CHD7: variants seen among roughly 807,000 people sequenced by gnomAD.
The protein encoded by CHD7 is chromodomain helicase DNA binding protein 7.
In CHD7, 24 loss-of-function variants were observed where a neutral mutation model predicts 307.3. That is an observed-to-expected ratio of 0.08 (90% CI 0.06 to 0.11). The LOEUF is 0.11. CHD7 is among the 10% of genes least tolerant of loss of function. CHD7 has a pLI of 1.00. For missense variants in CHD7, 3,106 were observed against 3,727.1 expected (o/e 0.83, Z 4.34); for synonymous variants, 1,363 against 1,349.9 (o/e 1.01, Z -0.21).
chr8:60,820,888 T>C lies in CHD7; in HGVS notation c.2697+798T>C, dbSNP rs558742662. ...CTTAGTTATACTTCAAAAAATTGTT[T>C]CATAGCATATTTACATTGTACAGGA... is the stretch of plus-strand genomic sequence containing the variant. On this transcript the variant is annotated intron_variant, in intron 9 of 37. Transcript: ENST00000423902. Among the ~76,000 whole-genome samples the C allele has an allele frequency of 2.6e-5, 4 of 152,318 alleles. No homozygotes were observed. In the South Asian group the frequency reaches 8.3e-4, roughly 32 times the overall value.
chr8:60,706,858 T>C (rs1401074683), intron 1 of CHD7, among the ~76,000 whole-genome samples: 1 of 152,148 alleles, frequency 6.6e-6, no homozygotes, highest in African/African-American at 2.4e-5. Context: ...CTAGGATACA[T>C]GTGCACAACA....
chr8:60,859,614 A>G (rs2129685969), intron 34 of CHD7, among the ~76,000 whole-genome samples: 1 of 152,318 alleles, frequency 6.6e-6, no homozygotes, highest in East Asian at 1.9e-4. Flanking sequence ...AAGTTTCCCT[A>G]TGGATGGCTG....
intron 1 of CHD7, among the ~76,000 whole-genome samples, chr8:60,706,983 C>T (rs910908110): frequency 5.3e-5 from 8 of 152,258 alleles, no homozygotes; most frequent in Non-Finnish European, 1.0e-4. Flanking sequence ...CCCCACCCCA[C>T]GACAGGCCCC....
chr8:60,843,978 G>A (rs1334125062), intron 21 of CHD7, among the ~76,000 whole-genome samples: 2 of 152,194 alleles, frequency 1.3e-5, no homozygotes, highest in Admixed American at 6.5e-5. Context: ...GAGGATGTGC[G>A]CTGCTCTCTG....
chr8:60,811,401 G>A (rs568582482), intron 7 of CHD7, among the ~76,000 whole-genome samples: 18 of 151,614 alleles, frequency 1.2e-4, no homozygotes, highest in Non-Finnish European at 2.1e-4. Context: ...TTTCCTCTTC[G>A]TTCTTACAAA....
intron 1 of CHD7, among the ~76,000 whole-genome samples, chr8:60,682,473 C>T (rs1458978591): frequency 6.6e-6 from 1 of 152,124 alleles, no homozygotes; most frequent in Non-Finnish European, 1.5e-5. Context: ...TGCTGTGTAA[C>T]CCATAAAAGC....
intron 1 of CHD7, among the ~76,000 whole-genome samples, chr8:60,726,645 C>T (rs1006840018): frequency 6.6e-6 from 1 of 152,178 alleles, no homozygotes; most frequent in Admixed American, 6.5e-5. Flanking sequence ...ATGTATTTGA[C>T]AAATGAGAAA....
At chr8:60,838,548 C>T (rs574074584) in intron 19 of CHD7, among the ~76,000 whole-genome samples, 42 of 152,296 alleles carry the variant, frequency 2.8e-4, no homozygotes, top group African/African-American at 9.6e-4. Context: ...GATCCTGCTC[C>T]GTTGGCATCT....
chr8:60,744,787 G>A (rs187725270), intron 2 of CHD7, among the ~76,000 whole-genome samples: 4 of 151,592 alleles, frequency 2.6e-5, no homozygotes, highest in African/African-American at 7.3e-5. Context: ...CCTGGGAGGT[G>A]GATGTTGCAG....
intron 1 of CHD7, among the ~76,000 whole-genome samples, chr8:60,740,509 G>A (rs72650476): frequency 6.6e-6 from 1 of 152,190 alleles, no homozygotes; most frequent in Non-Finnish European, 1.5e-5. Context: ...TAGGCTCAGA[G>A]CCATGAGTGA....
intron 1 of CHD7, chr8:60,679,639 G>C (rs1255051913): frequency 1.4e-5 from 2 of 147,252 alleles, no homozygotes; most frequent in Admixed American, 6.8e-5. Flanking sequence ...GCGGCGGCTC[G>C]GGGACGGCGG....
In CHD7 at chr8:60,856,168, G is replaced by A; in HGVS notation, c.7130G>A (p.Ser2377Asn). 6.2e-7 allele frequency: 1 copy of A among 1,603,034 alleles called. No homozygotes were observed. Among genetic ancestry groups the A allele is most frequent in the South Asian group, 1.1e-5 (1 of 88,828 alleles). ...SMVGQASISG[S>N]EDITTSPQLS... ...GTCGGCCAAGCCAGCATTAGTGGGA[G>A]TGAGGACATCACTACGTCTCCTCAG... The change falls in exon 33 of 38, where the codon AGT (serine) becomes AAT (asparagine). Residue 2377 changes from serine (S) to asparagine (N), a missense_variant. Ser to Asn is a conservative substitution (Grantham distance 46). Transcript: ENST00000423902.
intron 1 of CHD7, among the ~76,000 whole-genome samples, chr8:60,737,292 A>C (rs1808759197): frequency 6.6e-6 from 1 of 152,238 alleles, no homozygotes; most frequent in African/African-American, 2.4e-5. Context: ...TGCTGATGGC[A>C]GCAGCAGTTT....
At chr8:60,858,865 C>T (rs1406303844) in intron 34 of CHD7, among the ~76,000 whole-genome samples, 5 of 152,232 alleles carry the variant, frequency 3.3e-5, no homozygotes, top group Non-Finnish European at 2.9e-5. Context: ...CCACCTCAGC[C>T]TCCTGAAGTA....
intron 13 of CHD7, 40 bp from the exon 14 acceptor site, chr8:60,828,623 T>C: frequency 6.4e-7 from 1 of 1,562,878 alleles, no homozygotes; most frequent in Non-Finnish European, 8.7e-7. Flanking sequence ...AAAGTGTTTT[T>C]GTTACAATTT....
In CHD7 at chr8:60,853,214, A is replaced by G; in HGVS notation, c.6489A>G (p.Gln2163=). ...CAGTCATCTCATCTGCTCATATTCA[A>G]GATGAGAGGGTACTGGAACAAGCCG... ...TPPVISSAHI[Q]DERVLEQAEG... Residue 2163 remains glutamine (Q), a synonymous_variant, in exon 31 of 38, where the codon CAA becomes CAG. Transcript: ENST00000423902. The G allele has an allele frequency of 6.2e-7, 1 of 1,613,932 alleles. No individual in the cohort carries two copies. Among genetic ancestry groups the G allele is most frequent in the Non-Finnish European group, 8.5e-7 (1 of 1,179,866 alleles).
chr8:60,851,314 C>T lies in CHD7; in HGVS notation c.5660C>T (p.Ala1887Val). The change falls in exon 28 of 38, where the codon GCC becomes GTC. Residue 1887 changes from alanine to valine, a missense_variant. Transcript: ENST00000423902. ...AAGGAAGAATCCATGGAAATACATG[C>T]CACAGGTAAGGTCCCAGAAAAGCTT... ...EDKEESMEIH[A>V]TGKHSESNAE... 2 of 1,558,640 alleles carry T rather than the reference C, an allele frequency of 1.3e-6. No individual in the cohort carries two copies. The highest frequency in any genetic ancestry group is 2.4e-5 in the South Asian group (2 of 84,480).
chr8:60,680,384 G>C (rs1421015467), intron 1 of CHD7, among the ~76,000 whole-genome samples: 1 of 133,160 alleles, frequency 7.5e-6, no homozygotes, highest in African/African-American at 2.8e-5. Flanking sequence ...GGCGGCGCGG[G>C]GCTGTCGAGG....
At chr8:60,691,174 G>A (rs1806175705) in intron 1 of CHD7, among the ~76,000 whole-genome samples, 2 of 152,066 alleles carry the variant, frequency 1.3e-5, no homozygotes, top group Non-Finnish European at 2.9e-5. Context: ...GATCCACCTC[G>A]GCCTCCCACA....
Sources: gnomAD v4.1 joint callset for allele counts (sites outside exome capture counted in the v4.1 genomes callset) on GRCh38, gnomAD v4.1.1 for gene constraint, MANE v1.5 for transcripts, NCBI Gene and HGNC (gene_info 2026-07-23, HGNC 2026-07-21) for gene names.